Variants in EYS observed in about 807,000 individuals in gnomAD.
EYS encodes the protein protein eyes shut homolog.
In EYS, 250 loss-of-function variants were observed where a neutral mutation model predicts 282.1. The ratio of observed to expected loss-of-function variants is 0.89; its 90% CI spans 0.80 to 0.98. The LOEUF (loss-of-function observed/expected upper bound fraction) is 0.98. Ranked by LOEUF, EYS falls within the 50% of genes least tolerant of loss-of-function variation. EYS has a pLI of 0.00. For synonymous variants in EYS, 1,355 were observed against 1,282.9 expected (o/e 1.06, Z -1.20); for missense variants, 4,016 against 3,709.0 (o/e 1.08, Z -2.15).
intron 32 of EYS, among the ~76,000 whole-genome samples, chr6:64,071,341 T>G (rs1459491243): frequency 6.6e-6 from 1 of 151,978 alleles, no homozygotes; most frequent in Non-Finnish European, 1.5e-5. Flanking sequence ...TTCACATGAT[T>G]CCTGACTATA....
intron 22 of EYS, among the ~76,000 whole-genome samples, chr6:64,796,819 T>A (rs1020861568): frequency 6.6e-6 from 1 of 152,160 alleles, no homozygotes; most frequent in Non-Finnish European, 1.5e-5. Context: ...GGTATTTTTG[T>A]GTGACACAAA....
intron 2 of EYS, among the ~76,000 whole-genome samples, chr6:65,563,046 T>C (rs931846919): frequency 3.3e-5 from 5 of 152,112 alleles, no homozygotes; most frequent in African/African-American, 1.2e-4. Context: ...CAATGTTAGT[T>C]CTAGAAAGAA....
chr6:64,734,253 T>C (rs1036358457), intron 22 of EYS, among the ~76,000 whole-genome samples: 4 of 152,160 alleles, frequency 2.6e-5, no homozygotes, highest in African/African-American at 9.6e-5. Context: ...AAGCACTTTG[T>C]AACCTTTACT....
rs578076129 is a variant in EYS, at chr6:64,574,251, G to A, written c.5644+15972C>T. 8.5e-5 allele frequency among the ~76,000 whole-genome samples: 13 copies of A among 152,126 alleles called. No individual in the cohort carries two copies. In the East Asian group the frequency reaches 2.3e-3, roughly 27 times the overall value. On this transcript the variant is annotated intron_variant, in intron 26 of 42. Transcript: ENST00000503581. The stretch of plus-strand genomic sequence containing the variant: ...TGGGAACACAGGGACACAGGGAGAC[G>A]AACATCACACACCAGGGCCTATTGG...
At chr6:64,900,049 C>T (rs147945407) in intron 18 of EYS, among the ~76,000 whole-genome samples, 4,748 of 152,206 alleles carry the variant, frequency 0.031, 134 homozygotes, top group East Asian at 0.13. Flanking sequence ...ACCAATGGAA[C>T]AGAACAGAAG....
At chr6:65,157,216 C>G (rs1358111801) in intron 12 of EYS, among the ~76,000 whole-genome samples, 1 of 149,164 alleles carries the variant, frequency 6.7e-6, no homozygotes, top group Non-Finnish European at 1.5e-5. Flanking sequence ...ACTAATAGGC[C>G]TCTGTGATTA....
chr6:64,028,496 C>T (rs569105186), intron 33 of EYS, among the ~76,000 whole-genome samples: 2 of 152,316 alleles, frequency 1.3e-5, no homozygotes, highest in South Asian at 4.1e-4. Context: ...TTGTACCCAA[C>T]CCCTATATCC....
chr6:64,053,229 T>C (rs1388888765), intron 33 of EYS, among the ~76,000 whole-genome samples: 1 of 152,100 alleles, frequency 6.6e-6, no homozygotes, highest in African/African-American at 2.4e-5. Context: ...TTTTATTGTG[T>C]GAAATTTCTA....
chr6:64,814,167 G>A (rs1330600098), intron 21 of EYS, among the ~76,000 whole-genome samples: 1 of 151,984 alleles, frequency 6.6e-6, no homozygotes, highest in Non-Finnish European at 1.5e-5. Context: ...TGTATGTCCA[G>A]CATTTCTGAC....
intron 2 of EYS, among the ~76,000 whole-genome samples, chr6:65,538,324 A>T (rs1458468254): frequency 2.6e-5 from 4 of 152,126 alleles, no homozygotes; most frequent in Non-Finnish European, 5.9e-5. Context: ...AGGGTCCAAT[A>T]AAGGTTGTCA....
intron 12 of EYS, among the ~76,000 whole-genome samples, chr6:65,118,257 A>G (rs2150193835): frequency 6.6e-6 from 1 of 152,238 alleles, no homozygotes; most frequent in Non-Finnish European, 1.5e-5. Context: ...GATGTAGGAG[A>G]TGTGGGCTGG....
intron 31 of EYS, among the ~76,000 whole-genome samples, chr6:64,092,398 T>C (rs1179009659): frequency 1.3e-5 from 2 of 152,148 alleles, no homozygotes. Flanking sequence ...TTTCTCCACA[T>C]CCTCTCCAGC....
intron 36 of EYS, among the ~76,000 whole-genome samples, chr6:63,825,396 T>C (rs1397999091): frequency 6.6e-6 from 1 of 152,094 alleles, no homozygotes; most frequent in African/African-American, 2.4e-5. Context: ...CTCCACACTA[T>C]AGCTGTTCTG....
At chr6:64,435,071 C>T (rs1172146855) in intron 28 of EYS, among the ~76,000 whole-genome samples, 1 of 151,900 alleles carries the variant, frequency 6.6e-6, no homozygotes, top group Non-Finnish European at 1.5e-5. Context: ...AGTGTACTGC[C>T]CCCAGCATTT....
intron 22 of EYS, among the ~76,000 whole-genome samples, chr6:64,778,897 T>C (rs556171331): frequency 7.9e-5 from 12 of 152,256 alleles, no homozygotes; most frequent in African/African-American, 2.6e-4. Context: ...TAAGCATATG[T>C]AGCTATCCAC....
chr6:65,301,977 A>G, intron 11 of EYS, among the ~76,000 whole-genome samples: 1 of 152,288 alleles, frequency 6.6e-6, no homozygotes. Context: ...CTTGAAGACC[A>G]GAAATTGGAT....
At chr6:64,733,909 A>T (rs1386885419) in intron 22 of EYS, 1 of 156,702 alleles carries the variant, frequency 6.4e-6, no homozygotes, top group African/African-American at 2.4e-5. Flanking sequence ...TGAACTGTAG[A>T]TGACCAGTCC....
At chr6:64,018,284 C>CTAGA (rs1768991822) in intron 33 of EYS, among the ~76,000 whole-genome samples, 1 of 152,074 alleles carries the variant, frequency 6.6e-6, no homozygotes, top group African/African-American at 2.4e-5. Flanking sequence ...TAGTTGTGAC[C>CTAGA]TAGATATAGT....
intron 26 of EYS, among the ~76,000 whole-genome samples, chr6:64,553,573 G>C (rs1765157664): frequency 8.4e-6 from 1 of 119,212 alleles, no homozygotes; most frequent in South Asian, 2.9e-4. Flanking sequence ...GCAGTTACAA[G>C]GCAAATGTGC....
Sources: allele counts gnomAD v4.1 joint callset (sites outside exome capture counted in the v4.1 genomes callset), GRCh38; gene constraint gnomAD v4.1.1; transcripts MANE v1.5; gene names NCBI Gene and HGNC (gene_info 2026-07-23, HGNC 2026-07-21).